Variants in CFAP44 observed in about 807,000 individuals in gnomAD.
CFAP44 encodes the protein cilia and flagella associated protein 44.
In CFAP44, 134 loss-of-function variants were observed where a neutral mutation model predicts 216.2. That is an observed-to-expected ratio of 0.62 (90% CI 0.54 to 0.72). The LOEUF is 0.72. Ranked by LOEUF, CFAP44 falls within the 30% of genes least tolerant of loss-of-function variation. CFAP44 has a pLI of 0.00. For synonymous variants in CFAP44, 700 were observed against 727.6 expected (o/e 0.96, Z 0.61); for missense variants, 2,035 against 2,182.1 (o/e 0.93, Z 1.34).
rs1240589676 is a variant in CFAP44, at chr3:113,291,043, C to G, written c.*514G>C. On this transcript the variant is annotated 3_prime_UTR_variant, in exon 35 of 35. Coordinates refer to ENST00000393845, the MANE Select transcript of CFAP44 (RefSeq NM_001164496.2). The stretch of plus-strand genomic sequence containing the variant: ...TCAAAACACTGCTTTATGAAGTCAA[C>G]AATGCCAAAACTGAAATTTGCATTT... The G allele has an allele frequency of 6.5e-6, 1 of 154,390 alleles. No individual in the cohort carries two copies. The allele number at this position is 154,390 out of a possible 1,614,324, so 9.6% of individuals were successfully genotyped here.
intron 33 of CFAP44, among the ~76,000 whole-genome samples, chr3:113,295,910 T>A (rs941020753): frequency 2.6e-5 from 4 of 152,152 alleles, no homozygotes; most frequent in Admixed American, 2.0e-4. Flanking sequence ...TTATACTTTT[T>A]AAAAAAATGT....
At chr3:113,366,358 TGC>T in intron 18 of CFAP44, 49 bp from the exon 19 acceptor site, 1 of 1,560,000 alleles carries the variant, frequency 6.4e-7, no homozygotes, top group South Asian at 1.2e-5. Context: ...CTGAAAATAA[TGC>T]TTAATTTCAA....
intron 9 of CFAP44, among the ~76,000 whole-genome samples, chr3:113,402,628 G>A (rs1448823868): frequency 6.6e-6 from 1 of 152,184 alleles, no homozygotes; most frequent in African/African-American, 2.4e-5. Context: ...GTCAGGGTTA[G>A]GGTTAAGGAT....
intron 28 of CFAP44, among the ~76,000 whole-genome samples, chr3:113,319,882 T>C (rs1041119158): frequency 6.6e-5 from 10 of 151,884 alleles, no homozygotes; most frequent in Non-Finnish European, 1.5e-4. Context: ...ATGACAAAGA[T>C]GGCATTACAA....
At chr3:113,359,000 T>C (rs2107308687) in intron 21 of CFAP44, 125 bp from the exon 22 acceptor site, 2 of 1,175,880 alleles carry the variant, frequency 1.7e-6, no homozygotes, top group South Asian at 4.3e-5. Context: ...ACTCTGTCCA[T>C]TACAAAAGAA....
chr3:113,432,785 AACTAAT>A (rs1265587822), intron 2 of CFAP44, among the ~76,000 whole-genome samples: 1 of 152,224 alleles, frequency 6.6e-6, no homozygotes, highest in African/African-American at 2.4e-5. Context: ...GCTTTTCTAA[AACTAAT>A]ACCTCATTTA....
chr3:113,305,092 C>T lies in CFAP44; in HGVS notation c.4819G>A (p.Glu1607Lys). The T allele has an allele frequency of 6.5e-7, 1 of 1,537,278 alleles. No individual in the cohort carries two copies. The highest frequency in any genetic ancestry group is 8.7e-7 in the Non-Finnish European group (1 of 1,146,924). ...AEEALEAYQREKQQRLNELLV... is the reference protein window; with the variant it reads ...AEEALEAYQRKKQQRLNELLV... ...AGTTCATTCAGCCGCTGCTGCTTCTCTCGCTGATAAGCCTCCAGGGCCTCC... is the reference window on the plus strand; with the variant it reads ...AGTTCATTCAGCCGCTGCTGCTTCTTTCGCTGATAAGCCTCCAGGGCCTCC... The change falls in exon 31 of 35, where the codon GAG becomes AAG. Residue 1607 changes from glutamate to lysine, a missense_variant. Transcript: ENST00000393845.
chr3:113,329,633 G>C (rs1289137042), intron 26 of CFAP44, among the ~76,000 whole-genome samples: 2 of 152,136 alleles, frequency 1.3e-5, no homozygotes, highest in Non-Finnish European at 2.9e-5. Flanking sequence ...CTGCCCAACA[G>C]GCCCTAGTCT....
At chr3:113,430,394 C>T (rs978116849) in intron 2 of CFAP44, among the ~76,000 whole-genome samples, 4 of 131,466 alleles carry the variant, frequency 3.0e-5, no homozygotes, top group African/African-American at 1.2e-4. Flanking sequence ...AATCAATGAC[C>T]TAAAGTTCCA....
At chr3:113,325,300 C>CAA (rs541100248) in intron 28 of CFAP44, among the ~76,000 whole-genome samples, 5 of 70,934 alleles carry the variant, frequency 7.0e-5, no homozygotes, top group Non-Finnish European at 1.5e-4. Context: ...GACTCCGTCT[C>CAA]AAAAAAAAAA....
chr3:113,335,465 C>T (rs1184352706), intron 24 of CFAP44, among the ~76,000 whole-genome samples: 3 of 152,168 alleles, frequency 2.0e-5, no homozygotes, highest in African/African-American at 2.4e-5. Flanking sequence ...ATCTACATAG[C>T]GCCTTAACAT....
intron 28 of CFAP44, among the ~76,000 whole-genome samples, chr3:113,314,606 A>C (rs1950070277): frequency 6.6e-6 from 1 of 152,218 alleles, no homozygotes; most frequent in Non-Finnish European, 1.5e-5. Flanking sequence ...CATGATAAGC[A>C]AAAATATGGG....
chr3:113,294,828 G>A lies in CFAP44; in HGVS notation c.5239-7C>T, dbSNP rs1372506244. ...GCATTTGAGCAATCTTTTCCTACCA[G>A]GGTGGGAAGATGCAAAATAGATGTA... On this transcript the variant is annotated splice_polypyrimidine_tract_variant and splice_region_variant and intron_variant, in intron 33 of 34. Transcript: ENST00000393845. 5.3e-6 allele frequency: 8 copies of A among 1,522,592 alleles called. No homozygotes were observed. The highest frequency in any genetic ancestry group is 7.0e-6 in the Non-Finnish European group (8 of 1,142,198). 94.3% of individuals were successfully genotyped at this position (1,522,592 alleles called of 1,614,324 possible). A position where few individuals can be genotyped will look rare whatever the true frequency, so the allele number is the denominator to read the frequency against.
intron 4 of CFAP44, among the ~76,000 whole-genome samples, chr3:113,425,160 C>T (rs1221904303): frequency 6.6e-6 from 1 of 152,082 alleles, no homozygotes; most frequent in Non-Finnish European, 1.5e-5. Flanking sequence ...GATAAATCAG[C>T]ACGAATTAAT....
At chr3:113,336,938 C>G (rs1370445019) in intron 24 of CFAP44, among the ~76,000 whole-genome samples, 2 of 151,586 alleles carry the variant, frequency 1.3e-5, no homozygotes, top group African/African-American at 4.8e-5. Context: ...GTTCTTCCCA[C>G]TGTATTTCAA....
chr3:113,349,772 C>T (rs1337939364), intron 22 of CFAP44, among the ~76,000 whole-genome samples: 1 of 152,156 alleles, frequency 6.6e-6, no homozygotes, highest in African/African-American at 2.4e-5. Flanking sequence ...CATTGAGGAC[C>T]AGGAAATTGA....
In CFAP44 at chr3:113,400,009, A is replaced by G. The variant is rs1214546079; in HGVS notation, c.1475-9T>C. 3.9e-6 allele frequency: 6 copies of G among 1,536,030 alleles called. No individual in the cohort carries two copies. The highest frequency in any genetic ancestry group is 5.2e-6 in the Non-Finnish European group (6 of 1,147,110). On this transcript the variant is annotated splice_polypyrimidine_tract_variant and intron_variant, in intron 12 of 34. Coordinates refer to ENST00000393845, the MANE Select transcript of CFAP44 (RefSeq NM_001164496.2). Reference sequence around the variant, plus strand: ...ATAGATTCGAACAGAGCCTATAGAAAGACAGTTTTAAAAGAAAAAAAATTA... The same window carrying G: ...ATAGATTCGAACAGAGCCTATAGAAGGACAGTTTTAAAAGAAAAAAAATTA...
At position 113,306,341 on chromosome 3, in the gene CFAP44, G is replaced by T. The variant is rs1396004392; in HGVS notation, c.4628-10C>A. ...AGAGCCACATCACAATCTGCCAAGAGAATTAAAATAAAAACCAGCCTCATT... is the reference window on the plus strand; with the variant it reads ...AGAGCCACATCACAATCTGCCAAGATAATTAAAATAAAAACCAGCCTCATT... On this transcript the variant is annotated splice_polypyrimidine_tract_variant and intron_variant, in intron 29 of 34. Transcript: ENST00000393845. The T allele has an allele frequency of 2.0e-6, 3 of 1,532,502 alleles. 1 individual carries two copies. Among genetic ancestry groups the T allele is most frequent in the South Asian group, 2.4e-5 (2 of 82,402 alleles). The allele number at this position is 1,532,502 out of a possible 1,614,324, so 94.9% of individuals were successfully genotyped here.
chr3:113,416,763 CAGAT>C, intron 5 of CFAP44, 136 bp from the exon 6 acceptor site: 1 of 578,416 alleles, frequency 1.7e-6, no homozygotes, highest in Admixed American at 3.4e-5. Context: ...AAATGGGCAT[CAGAT>C]AAATATTTAA....
Sources: gnomAD v4.1 joint callset for allele counts (sites outside exome capture counted in the v4.1 genomes callset) on GRCh38, gnomAD v4.1.1 for gene constraint, MANE v1.5 for transcripts, NCBI Gene and HGNC (gene_info 2026-07-23, HGNC 2026-07-21) for gene names.